Variants in BCAS4 observed in about 807,000 individuals in gnomAD.
The protein encoded by BCAS4 is breast carcinoma-amplified sequence 4.
In BCAS4, 9 loss-of-function variants were observed where a neutral mutation model predicts 15.7. The ratio of observed to expected loss-of-function variants is 0.57; its 90% CI spans 0.34 to 1.00. The LOEUF (loss-of-function observed/expected upper bound fraction) is 1.00, where lower values mean the gene tolerates loss of function less well. BCAS4 is among the 50% of genes least tolerant of loss of function. The probability of loss-of-function intolerance (pLI) is 0.02; values close to 1 mark genes in which losing one functional copy is unlikely to be tolerated. For missense variants in BCAS4, 225 were observed against 239.1 expected, an observed-to-expected ratio of 0.94 and a Z score of 0.39; for synonymous variants, 101 against 99.5, an observed-to-expected ratio of 1.02 and a Z score of -0.09.
intron 4 of BCAS4, among the ~76,000 whole-genome samples, chr20:50,843,413 G>A (rs553792686): frequency 1.3e-5 from 2 of 152,312 alleles, no homozygotes; most frequent in East Asian, 1.9e-4. Context: ...GGTTCTGCCC[G>A]TGGGCAGAAT....
intron 2 of BCAS4, among the ~76,000 whole-genome samples, chr20:50,829,115 G>T (rs2088312855): frequency 6.6e-6 from 1 of 152,172 alleles, no homozygotes; most frequent in Non-Finnish European, 1.5e-5. Context: ...CTCTAACAGT[G>T]GTCCCCAGAT....
rs558969300 is a variant in BCAS4 at position 50,860,612 on chromosome 20, A to C, written c.400-15874A>C. ...GAGTCTGGGCCGGGCGTGGTGGCTC[A>C]CGCCTATAATCCCAGCACTTTGGGA... On this transcript the variant is annotated intron_variant, in intron 4 of 4. Coordinates refer to ENST00000371608, the MANE Select transcript of BCAS4 (RefSeq NM_198799.4). Among the ~76,000 whole-genome samples, 337 of 152,340 alleles carry C rather than the reference A, an allele frequency of 2.2e-3. 1 individual carries two copies. The highest frequency in any genetic ancestry group is 4.1e-3 in the Non-Finnish European group (281 of 68,038).
chr20:50,876,036 C>T (rs1242025090), intron 4 of BCAS4: 9 of 455,914 alleles, frequency 2.0e-5, no homozygotes, highest in East Asian at 6.9e-5. Flanking sequence ...CTGCAACCTC[C>T]GCCTCCCGGG....
chr20:50,828,000 T>C (rs1445778123), intron 2 of BCAS4, among the ~76,000 whole-genome samples: 2 of 152,132 alleles, frequency 1.3e-5, no homozygotes, highest in Non-Finnish European at 2.9e-5. Context: ...ACTGCTGGGA[T>C]TACAGGTGTA....
At chr20:50,809,369 C>T (rs775546286) in intron 1 of BCAS4, among the ~76,000 whole-genome samples, 1 of 152,064 alleles carries the variant, frequency 6.6e-6, no homozygotes, top group Non-Finnish European at 1.5e-5. Flanking sequence ...ACTACCACGG[C>T]TGGCTGATTT....
chr20:50,832,404 C>A (rs577378681), intron 3 of BCAS4, among the ~76,000 whole-genome samples: 1 of 151,388 alleles, frequency 6.6e-6, no homozygotes, highest in Non-Finnish European at 1.5e-5. Context: ...ATTATAGGTG[C>A]TTTCCACCAC....
chr20:50,847,648 C>T (rs537915423), intron 4 of BCAS4, among the ~76,000 whole-genome samples: 4 of 152,318 alleles, frequency 2.6e-5, no homozygotes, highest in South Asian at 2.1e-4. Flanking sequence ...TATGAATCCA[C>T]GTTCTTCTTT....
intron 1 of BCAS4, among the ~76,000 whole-genome samples, chr20:50,796,483 A>C (rs201084774): frequency 1.9e-4 from 2 of 10,616 alleles, no homozygotes; most frequent in African/African-American, 4.0e-4. Context: ...ATATATATAT[A>C]TATATTTTTT....
At chr20:50,831,175 TC>T in intron 3 of BCAS4, among the ~76,000 whole-genome samples, 1 of 152,202 alleles carries the variant, frequency 6.6e-6, no homozygotes, top group South Asian at 2.1e-4. Flanking sequence ...ACACCTGTAA[TC>T]CCAGCACTTT....
chr20:50,871,410 G>A (rs8116209), intron 4 of BCAS4, among the ~76,000 whole-genome samples: 1,954 of 152,366 alleles, frequency 0.013, 48 homozygotes, highest in African/African-American at 0.044. Context: ...GGACAGCCCT[G>A]CGGGCATCTG....
chr20:50,818,568 G>A (rs1444434830), intron 2 of BCAS4, among the ~76,000 whole-genome samples: 1 of 152,202 alleles, frequency 6.6e-6, no homozygotes, highest in African/African-American at 2.4e-5. Flanking sequence ...CCACAAGGTG[G>A]CACTCTCGGG....
intron 1 of BCAS4, among the ~76,000 whole-genome samples, chr20:50,814,748 A>C (rs1354231593): frequency 6.6e-6 from 1 of 152,208 alleles, no homozygotes; most frequent in Non-Finnish European, 1.5e-5. Context: ...CCTACTGCAT[A>C]GGGTTCTTGT....
At chr20:50,875,421 A>T (rs1979873242) in intron 4 of BCAS4, among the ~76,000 whole-genome samples, 1 of 152,148 alleles carries the variant, frequency 6.6e-6, no homozygotes, top group African/African-American at 2.4e-5. Flanking sequence ...AGAGTAGCAC[A>T]TGCCTATGGC....
intron 4 of BCAS4, among the ~76,000 whole-genome samples, chr20:50,871,572 G>A (rs1198472935): frequency 5.9e-5 from 9 of 152,210 alleles, no homozygotes; most frequent in Admixed American, 5.2e-4. Flanking sequence ...AGAAAGAAGA[G>A]AATTTTGAGG....
intron 3 of BCAS4, 48 bp downstream of exon 3, chr20:50,830,428 T>G (rs748869725): frequency 6.6e-7 from 1 of 1,519,514 alleles, no homozygotes; most frequent in African/African-American, 1.4e-5. Context: ...TTGATCTTGC[T>G]TTTGCCTTTT....
At chr20:50,872,789 A>T (rs1979723141) in intron 4 of BCAS4, among the ~76,000 whole-genome samples, 1 of 152,152 alleles carries the variant, frequency 6.6e-6, no homozygotes, top group African/African-American at 2.4e-5. Flanking sequence ...TTACTCACCC[A>T]CGTGTCTCCA....
chr20:50,795,755 T>C (rs541895483), intron 1 of BCAS4, among the ~76,000 whole-genome samples: 4 of 152,372 alleles, frequency 2.6e-5, no homozygotes, highest in Non-Finnish European at 5.9e-5. Flanking sequence ...ACCCATTCTC[T>C]TTTTAAACCA....
At position 50,851,937 on chromosome 20, in the gene BCAS4, C is replaced by T. The variant is rs1447917101; in HGVS notation, c.399+10037C>T. On this transcript the variant is annotated intron_variant, in intron 4 of 4. Transcript: ENST00000371608. The surrounding 1 kb of genome is among the most constrained non-coding windows in gnomAD (Gnocchi z 4.3). The stretch of plus-strand genomic sequence containing the variant: ...CATCTGCATTTTCTCCTGTTGTTCC[C>T]CTAGCCTGAGAGCTGCTCAAGGGTG... Among the ~76,000 whole-genome samples, 1 of 152,192 alleles carries T rather than the reference C, an allele frequency of 6.6e-6. No individual in the cohort carries two copies. Among genetic ancestry groups the T allele is most frequent in the African/African-American group, 2.4e-5 (1 of 41,460 alleles).
chr20:50,839,009 G>A (rs1265109673), intron 3 of BCAS4, among the ~76,000 whole-genome samples: 1 of 152,152 alleles, frequency 6.6e-6, no homozygotes, highest in East Asian at 1.9e-4. Context: ...GAGGGAGGAG[G>A]GAAGGTAGGG....
Sources: gnomAD v4.1 joint callset for allele counts (sites outside exome capture counted in the v4.1 genomes callset) on GRCh38, gnomAD v4.1.1 for gene constraint, Gnocchi (gnomAD v3.1) non-coding constraint, MANE v1.5 for transcripts, NCBI Gene and HGNC (gene_info 2026-07-23, HGNC 2026-07-21) for gene names.